The following XRCC3 variants were observed in gnomAD, a reference collection of about 807,000 sequenced individuals.
XRCC3 encodes the protein X-ray repair cross complementing 3, also known as DNA repair protein XRCC3.
A neutral mutation model predicts 29.2 loss-of-function variants in XRCC3; 34 were observed. The ratio of observed to expected loss-of-function variants is 1.16; its 90% CI spans 0.88 to 1.55. The LOEUF (loss-of-function observed/expected upper bound fraction) is 1.55, where lower values mean the gene tolerates loss of function less well. Among genes scored for constraint, XRCC3 ranks in the 40% most tolerant of loss-of-function variants. The pLI, the probability that XRCC3 is intolerant of heterozygous loss-of-function variation, is 0.00. For missense variants in XRCC3, 463 were observed against 467.6 expected, an observed-to-expected ratio of 0.99 and a Z score of 0.09; for synonymous variants, 223 against 211.3, an observed-to-expected ratio of 1.06 and a Z score of -0.48.
intron 2 of XRCC3, 170 bp from the exon 3 acceptor site, chr14:103,711,737 C>G (rs3212039): frequency 0.013 from 6,014 of 455,890 alleles, 130 homozygotes; most frequent in Admixed American, 0.06. Context: ...ATTCCACAGC[C>G]CGAGCCTGGC....
chr14:103,715,197 C>T (rs962366870), intron 1 of XRCC3, among the ~76,000 whole-genome samples: 1 of 152,060 alleles, frequency 6.6e-6, no homozygotes, highest in East Asian at 1.9e-4. Flanking sequence ...GCACGCGGCC[C>T]GGCCCCGGCG....
In XRCC3 at chr14:103,699,501, C is replaced by T. The variant is rs149642280; in HGVS notation, c.637G>A (p.Asp213Asn). The part of the protein sequence containing the change: ...SRGMARLVVI[D>N]SVAAPFRCEF... The stretch of plus-strand genomic sequence containing the variant: ...CAGCGGAATGGGGCTGCCACCGAGT[C>T]GATGACCACCAGGCGAGCCATGCCC... Residue 213 changes from aspartate (D) to asparagine (N), a missense_variant, in exon 8 of 10, where the codon GAC becomes AAC. Physicochemically the swap from Asp to Asn is conservative, Grantham distance 23. Coordinates refer to ENST00000555055, the MANE Select transcript of XRCC3 (RefSeq NM_005432.4). 289 of 1,612,846 alleles carry T rather than the reference C, an allele frequency of 1.8e-4. No homozygotes were observed. The highest frequency in any genetic ancestry group is 2.2e-4 in the Non-Finnish European group (265 of 1,179,976).
At chr14:103,706,382 A>T (rs1261020616) in intron 6 of XRCC3, 1 of 456,086 alleles carries the variant, frequency 2.2e-6, no homozygotes, top group Non-Finnish European at 4.4e-6. Context: ...CACTCTGTTC[A>T]CGTGGAGTTT....
chr14:103,709,877 G>GTGAT (rs2083563749), intron 4 of XRCC3: 1 of 152,226 alleles, frequency 6.6e-6, no homozygotes, highest in African/African-American at 2.4e-5. Flanking sequence ...GGCAGCAGCT[G>GTGAT]TGATCACAAG....
intron 5 of XRCC3, 170 bp from the exon 6 acceptor site, chr14:103,707,385 C>T (rs773987102): frequency 2.7e-5 from 21 of 787,980 alleles, no homozygotes; most frequent in South Asian, 1.4e-4. Context: ...GGGGCCCAGC[C>T]GGGAAGGGCG....
intron 7 of XRCC3, chr14:103,700,807 G>C: frequency 8.4e-7 from 1 of 1,188,798 alleles, no homozygotes; most frequent in Non-Finnish European, 1.2e-6. Context: ...ACTGGGGGGA[G>C]CTGGGGATGG....
In XRCC3 at chr14:103,712,930, T is replaced by C. The variant is rs1799794; in HGVS notation, c.-316A>G. 0.22 allele frequency: 34,085 copies of C among 152,408 alleles called. 4,064 individuals are homozygous for C. The highest frequency in any genetic ancestry group is 0.47 in the East Asian group (2,418 of 5,166). 9.4% of individuals were successfully genotyped at this position (152,408 alleles called of 1,614,324 possible). A position where few individuals can be genotyped will look rare whatever the true frequency, so the allele number is the denominator to read the frequency against. ...GCTCCTCCTGGGCCCTCTGTGCACA[T>C]CCTGCTGAGAACTTGGTTTAACAGG... On this transcript the variant is annotated splice_region_variant and 5_prime_UTR_variant, in exon 2 of 10. The change abolishes an upstream ATG in the 5' untranslated region. Coordinates refer to ENST00000555055, the MANE Select transcript of XRCC3 (RefSeq NM_005432.4).
intron 7 of XRCC3, 103 bp from the exon 8 acceptor site, chr14:103,699,679 C>A (rs2151911505): frequency 4.4e-6 from 5 of 1,135,156 alleles, no homozygotes; most frequent in South Asian, 3.8e-5. Context: ...ACCTTCCTAC[C>A]CACCTGGGGC....
At position 103,698,567 on chromosome 14, in the gene XRCC3, A is replaced by C. The variant is rs2082773923; in HGVS notation, c.*231T>G. On this transcript the variant is annotated 3_prime_UTR_variant, in exon 10 of 10. Coordinates refer to ENST00000555055, the MANE Select transcript of XRCC3 (RefSeq NM_005432.4). Reference sequence around the variant, plus strand: ...GCTCAGCAGTGGGGACCAGGTACCCAGCAAGCGGGCCTGTCCCCAGACCCA... The same window carrying C: ...GCTCAGCAGTGGGGACCAGGTACCCCGCAAGCGGGCCTGTCCCCAGACCCA... 3.5e-6 allele frequency: 2 copies of C among 576,450 alleles called. No individual in the cohort carries two copies. The highest frequency in any genetic ancestry group is 3.7e-5 in the African/African-American group (2 of 53,372). 35.7% of individuals were successfully genotyped at this position (576,450 alleles called of 1,614,324 possible).
At position 103,698,802 on chromosome 14, in the gene XRCC3, TG is replaced by T; in HGVS notation, c.1036del (p.His346ThrfsTer23). The T allele has an allele frequency of 6.3e-7, 1 of 1,595,512 alleles. No homozygotes were observed. The highest frequency in any genetic ancestry group is 1.1e-5 in the South Asian group (1 of 88,162). ...TGTTGTGCAGCCGCCACCGTGTCAGTGGGACTGGGTCCCAGGTGTCCCTCGC... is the reference window on the plus strand; with the variant it reads ...TGTTGTGCAGCCGCCACCGTGTCAGTGGACTGGGTCCCAGGTGTCCCTCGC... ...GVRGTPGTQS[H>X] On this transcript the variant is annotated frameshift_variant, in exon 10 of 10. Transcript: ENST00000555055. LOFTEE classifies it high-confidence loss of function.
intron 6 of XRCC3, 32 bp from the exon 7 acceptor site, chr14:103,703,359 G>T: frequency 6.5e-7 from 1 of 1,538,708 alleles, no homozygotes; most frequent in South Asian, 1.2e-5. Context: ...TGTGCCCAGG[G>T]GACTCCAGAC....
At position 103,699,474 on chromosome 14, in the gene XRCC3, C is replaced by A. The variant is rs768891111; in HGVS notation, c.664G>T (p.Glu222Ter). The A allele has an allele frequency of 1.9e-6, 3 of 1,612,850 alleles. No individual in the cohort carries two copies. Among genetic ancestry groups the A allele is most frequent in the Non-Finnish European group, 2.5e-6 (3 of 1,179,964 alleles). ...IDSVAAPFRC[E>*]FDSQASAPRA... ...GGGGCGGAGGCCTGGCTGTCAAATT[C>A]ACAGCGGAATGGGGCTGCCACCGAG... Residue 222 changes from glutamate to a stop codon, truncating the protein, a stop_gained, in exon 8 of 10, where the codon GAA (glutamate) becomes TAA (stop). Transcript: ENST00000555055. LOFTEE classifies it high-confidence loss of function.
At chr14:103,710,696 C>G (rs954546802) in intron 4 of XRCC3, 1 of 288,818 alleles carries the variant, frequency 3.5e-6, no homozygotes, top group Admixed American at 4.9e-5. Flanking sequence ...GAGCTGAGAT[C>G]GCACCACTGC....
chr14:103,704,397 A>G lies in XRCC3; in HGVS notation c.407-1070T>C, dbSNP rs3212077. 6.8e-3 allele frequency: 1,028 copies of G among 152,012 alleles called. 9 individuals carry two copies. Among genetic ancestry groups the G allele is most frequent in the Non-Finnish European group, 0.011 (756 of 67,978 alleles). 9.4% of individuals were successfully genotyped at this position (152,012 alleles called of 1,614,324 possible). On this transcript the variant is annotated intron_variant, in intron 6 of 9. Transcript: ENST00000555055. ...TTGTGCTTCTATTAAAAGCCACTGA[A>G]TTTATTTATTTTATTTTAATTTTTG...
chr14:103,711,820 C>T (rs548743009), intron 2 of XRCC3: 8 of 414,248 alleles, frequency 1.9e-5, no homozygotes, highest in Non-Finnish European at 3.4e-5. Flanking sequence ...CCTGGGGTCA[C>T]ATAAGGCCTT....
In XRCC3 at chr14:103,698,541, A is replaced by T; in HGVS notation, c.*257T>A. 1 of 540,514 alleles carries T rather than the reference A, an allele frequency of 1.9e-6. No homozygotes were observed. The highest frequency in any genetic ancestry group is 3.4e-6 in the Non-Finnish European group (1 of 298,444). The allele number at this position is 540,514 out of a possible 1,614,324, so 33.5% of individuals were successfully genotyped here. On this transcript the variant is annotated 3_prime_UTR_variant, in exon 10 of 10. Coordinates refer to ENST00000555055, the MANE Select transcript of XRCC3 (RefSeq NM_005432.4). ...TGAGAATCACCTCTCCCCAAGGGCC[A>T]GCTCAGCAGTGGGGACCAGGTACCC...
At chr14:103,702,524 T>G (rs2151928921) in intron 7 of XRCC3, 1 of 153,460 alleles carries the variant, frequency 6.5e-6, no homozygotes, top group African/African-American at 2.4e-5. Context: ...GGGGCTTCTC[T>G]TCCCCACTCC....
intron 7 of XRCC3, among the ~76,000 whole-genome samples, chr14:103,700,988 C>G (rs1433010877): frequency 6.6e-6 from 1 of 152,230 alleles, no homozygotes; most frequent in Non-Finnish European, 1.5e-5. Context: ...TCCCCCGTGC[C>G]AGACGCAGGC....
intron 6 of XRCC3, chr14:103,706,242 G>A (rs1473265934): frequency 1.8e-5 from 8 of 446,400 alleles, no homozygotes; most frequent in African/African-American, 6.0e-5. Context: ...CAGCCACACC[G>A]CTGCTGGCAG....
Sources: gnomAD v4.1 joint callset for allele counts (sites outside exome capture counted in the v4.1 genomes callset) on GRCh38, gnomAD v4.1.1 for gene constraint, MANE v1.5 for transcripts, NCBI Gene and HGNC (gene_info 2026-07-23, HGNC 2026-07-21) for gene names.